The following EIF4G3 variants were observed in gnomAD, a reference collection of about 807,000 sequenced individuals.
EIF4G3 encodes eukaryotic translation initiation factor 4 gamma 3.
In EIF4G3, 34 loss-of-function variants were observed where a neutral mutation model predicts 186.4. The ratio of observed to expected loss-of-function variants is 0.18; its 90% confidence interval spans 0.14 to 0.24. The LOEUF (loss-of-function observed/expected upper bound fraction) is 0.24, where lower values mean the gene tolerates loss of function less well. Ranked by LOEUF, EIF4G3 falls within the 10% of genes least tolerant of loss-of-function variation. The probability of loss-of-function intolerance (pLI) is 1.00; values close to 1 mark genes in which losing one functional copy is unlikely to be tolerated. For missense variants in EIF4G3, 1,536 were observed against 1,948.5 expected (o/e 0.79, Z 3.99); for synonymous variants, 673 against 679.5 (o/e 0.99, Z 0.15).
intron 29 of EIF4G3, among the ~76,000 whole-genome samples, chr1:20,845,646 T>A (rs1004492475): frequency 6.6e-6 from 1 of 151,790 alleles, no homozygotes; most frequent in Admixed American, 6.6e-5. Flanking sequence ...TGGGCAACAG[T>A]GCAAGACTCC....
At chr1:21,101,912 C>G (rs1172961943) in intron 2 of EIF4G3, among the ~76,000 whole-genome samples, 1 of 152,070 alleles carries the variant, frequency 6.6e-6, no homozygotes, top group African/African-American at 2.4e-5. Context: ...TTCTTTTCAT[C>G]ACACTTGAGA....
intron 2 of EIF4G3, among the ~76,000 whole-genome samples, chr1:21,171,974 G>C (rs2097984925): frequency 6.6e-6 from 1 of 152,074 alleles, no homozygotes; most frequent in African/African-American, 2.4e-5. Flanking sequence ...GATGCACTGG[G>C]AAGGAGACCA....
At chr1:21,026,911 T>C (rs2092188699) in intron 4 of EIF4G3, among the ~76,000 whole-genome samples, 1 of 140,272 alleles carries the variant, frequency 7.1e-6, no homozygotes. Context: ...CACTCCAGCC[T>C]GCGTGACAGA....
intron 3 of EIF4G3, among the ~76,000 whole-genome samples, chr1:21,059,968 T>C (rs2094800761): frequency 6.6e-6 from 1 of 152,212 alleles, no homozygotes; most frequent in Non-Finnish European, 1.5e-5. Flanking sequence ...ACTCTTTTTA[T>C]TAAGACAGGG....
intron 32 of EIF4G3, among the ~76,000 whole-genome samples, chr1:20,826,240 C>T (rs2063582057): frequency 6.6e-6 from 1 of 152,146 alleles, no homozygotes; most frequent in Non-Finnish European, 1.5e-5. Flanking sequence ...AATCTTGGCT[C>T]ACTCCAACCT....
At chr1:21,149,786 C>T (rs1208787916) in intron 2 of EIF4G3, among the ~76,000 whole-genome samples, 1 of 152,216 alleles carries the variant, frequency 6.6e-6, no homozygotes, top group East Asian at 1.9e-4. Flanking sequence ...CCACCCACTC[C>T]ATCTCTGAGA....
rs79759451 is a variant in EIF4G3 at position 20,935,871 on chromosome 1, C to A, written c.1663+5620G>T. On this transcript the variant is annotated intron_variant, in intron 14 of 36. Transcript: ENST00000602326. ...AGCTCTAGGCTGACTGAATTACCTT[C>A]TCTGGAAGCAGGTCAGTACAATAGT... Among the ~76,000 whole-genome samples the A allele has an allele frequency of 6.8e-3, 1,040 of 152,288 alleles. 13 individuals carry two copies. The highest frequency in any genetic ancestry group is 0.024 in the African/African-American group (984 of 41,548).
At chr1:21,166,601 C>T (rs555913325) in intron 2 of EIF4G3, among the ~76,000 whole-genome samples, 3 of 152,032 alleles carry the variant, frequency 2.0e-5, no homozygotes, top group Non-Finnish European at 2.9e-5. Flanking sequence ...TGGCGTGCAC[C>T]TGTAATCCCC....
intron 30 of EIF4G3, among the ~76,000 whole-genome samples, chr1:20,836,584 C>G (rs1463286970): frequency 6.6e-6 from 1 of 152,112 alleles, no homozygotes; most frequent in Non-Finnish European, 1.5e-5. Context: ...TTGCCGTAAG[C>G]AGTAATAAAG....
At chr1:20,937,235 G>A (rs1033246758) in intron 14 of EIF4G3, among the ~76,000 whole-genome samples, 20 of 152,280 alleles carry the variant, frequency 1.3e-4, no homozygotes, top group African/African-American at 4.6e-4. Flanking sequence ...GATGAGAAAG[G>A]ACGTTGTTTC....
At chr1:20,901,361 T>C (rs964608172) in intron 15 of EIF4G3, among the ~76,000 whole-genome samples, 1 of 152,128 alleles carries the variant, frequency 6.6e-6, no homozygotes, top group African/African-American at 2.4e-5. Context: ...ATCTCATAAT[T>C]AAGTACAGGT....
At chr1:21,104,256 T>A (rs1313394277) in intron 2 of EIF4G3, among the ~76,000 whole-genome samples, 5 of 152,220 alleles carry the variant, frequency 3.3e-5, no homozygotes, top group African/African-American at 1.2e-4. Flanking sequence ...AACATCCTTC[T>A]TCATTCATCC....
chr1:21,151,173 G>T (rs1354418425), intron 2 of EIF4G3, among the ~76,000 whole-genome samples: 1 of 146,774 alleles, frequency 6.8e-6, no homozygotes, highest in Non-Finnish European at 1.5e-5. Flanking sequence ...CGGAGAAAAT[G>T]TGCACTTTTT....
chr1:20,836,894 A>G (rs184438941), intron 30 of EIF4G3, among the ~76,000 whole-genome samples: 2 of 152,350 alleles, frequency 1.3e-5, no homozygotes, highest in East Asian at 3.9e-4. Context: ...TACCTATACA[A>G]TAATGCTTCT....
At chr1:21,114,218 C>T (rs1053589468) in intron 2 of EIF4G3, among the ~76,000 whole-genome samples, 10 of 152,060 alleles carry the variant, frequency 6.6e-5, no homozygotes, top group Non-Finnish European at 1.2e-4. Flanking sequence ...GCGATCTCGC[C>T]TCACTGAAAC....
intron 30 of EIF4G3, among the ~76,000 whole-genome samples, chr1:20,835,042 G>A (rs954604587): frequency 1.2e-4 from 13 of 111,944 alleles, no homozygotes; most frequent in African/African-American, 4.1e-4. Flanking sequence ...GGATCACAAT[G>A]CAATAAAACT....
intron 36 of EIF4G3, among the ~76,000 whole-genome samples, chr1:20,808,163 C>T (rs2058477610): frequency 1.3e-5 from 2 of 151,968 alleles, no homozygotes; most frequent in South Asian, 4.1e-4. Context: ...GGATTACAGG[C>T]GTGAGCCACC....
intron 2 of EIF4G3, among the ~76,000 whole-genome samples, chr1:21,093,843 C>G (rs34887316): frequency 0.027 from 4,177 of 152,186 alleles, 89 homozygotes; most frequent in Non-Finnish European, 0.038. Context: ...TCTCAGCAAA[C>G]TATCACAAGG....
chr1:20,949,225 A>G (rs577170119), intron 13 of EIF4G3, among the ~76,000 whole-genome samples: 1 of 152,284 alleles, frequency 6.6e-6, no homozygotes, highest in African/African-American at 2.4e-5. Context: ...CTAGGCAGGA[A>G]AGAAAGACTA....
Sources: allele counts gnomAD v4.1 joint callset (sites outside exome capture counted in the v4.1 genomes callset), GRCh38; gene constraint gnomAD v4.1.1; transcripts MANE v1.5; gene names NCBI Gene and HGNC (gene_info 2026-07-23, HGNC 2026-07-21).